Variants in PCDH11X observed in about 807,000 individuals in gnomAD.
PCDH11X encodes protocadherin-11 X-linked.
PCDH11X carries 18 observed loss-of-function variants against 53.3 expected under a neutral mutation model. That is an observed-to-expected ratio of 0.34 (90% CI 0.23 to 0.50). The LOEUF is 0.50. PCDH11X is among the 20% of genes least tolerant of loss of function. PCDH11X has a pLI of 0.98. For missense variants in PCDH11X, 570 were observed against 1,032.4 expected, an observed-to-expected ratio of 0.55 and a Z score of 6.14; for synonymous variants, 279 against 393.3, an observed-to-expected ratio of 0.71 and a Z score of 3.44.
rs1041282952 is a variant in PCDH11X at position 92,381,624 on chromosome X, T to C, written c.3145-6111T>C. ...ATGCCATTAATGACAATGCCAGGTT[T>C]TTCCTCTTTCGTTGTATGCTACAAA... On this transcript the variant is annotated intron_variant, in intron 8 of 10. Coordinates refer to ENST00000682573, the MANE Select transcript of PCDH11X (RefSeq NM_032968.5). 2.1e-4 allele frequency among the ~76,000 whole-genome samples: 23 copies of C among 112,042 alleles called. 1 individual carries two copies. Among genetic ancestry groups the C allele is most frequent in the African/African-American group, 7.1e-4 (22 of 30,885 alleles).
intron 6 of PCDH11X, among the ~76,000 whole-genome samples, chrX:92,071,006 C>T (rs1366176356): frequency 9.1e-6 from 1 of 109,369 alleles, no homozygotes; most frequent in Non-Finnish European, 1.9e-5. Context: ...GGGGTTTCAC[C>T]ATGTTGGCCA....
At chrX:91,980,988 A>G (rs1966353) in intron 6 of PCDH11X, among the ~76,000 whole-genome samples, 7,710 of 101,129 alleles carry the variant, frequency 0.076, 289 homozygotes, top group South Asian at 0.13. Flanking sequence ...GAATATATAT[A>G]TATATATACA....
chrX:92,060,837 A>G (rs762731434), intron 6 of PCDH11X, among the ~76,000 whole-genome samples: 2 of 111,855 alleles, frequency 1.8e-5, no homozygotes, highest in African/African-American at 6.5e-5. Flanking sequence ...TCGTTTGCGT[A>G]TATACCCAAT....
intron 6 of PCDH11X, among the ~76,000 whole-genome samples, chrX:92,103,193 T>C (rs1322850637): frequency 9.1e-6 from 1 of 110,353 alleles, no homozygotes; most frequent in Non-Finnish European, 1.9e-5. Flanking sequence ...GGGAAGCAGA[T>C]AATTTGGTTA....
chrX:92,401,070 CAA>C (rs1371665681), intron 9 of PCDH11X, among the ~76,000 whole-genome samples: 1 of 105,840 alleles, frequency 9.4e-6, no homozygotes, highest in Admixed American at 1.1e-4. Context: ...ATTAACCATC[CAA>C]AGTTTCCCCA....
chrX:92,195,503 T>C (rs1309391613), intron 6 of PCDH11X, among the ~76,000 whole-genome samples: 2 of 111,550 alleles, frequency 1.8e-5, no homozygotes, highest in Non-Finnish European at 3.8e-5. Flanking sequence ...AGAAGGAGGA[T>C]CCTCATTACC....
intron 1 of PCDH11X, among the ~76,000 whole-genome samples, chrX:91,792,138 C>G (rs1036013727): frequency 9.1e-6 from 1 of 109,363 alleles, no homozygotes; most frequent in Non-Finnish European, 1.9e-5. Context: ...CGTGAGCCAC[C>G]GCGCCCGGCC....
intron 6 of PCDH11X, among the ~76,000 whole-genome samples, chrX:91,947,271 G>A (rs1469362883): frequency 9.1e-6 from 1 of 109,369 alleles, no homozygotes; most frequent in Admixed American, 9.9e-5. Flanking sequence ...CATCATTCAA[G>A]TGCAAATCTT....
At chrX:91,973,550 A>C (rs2062002751) in intron 6 of PCDH11X, among the ~76,000 whole-genome samples, 1 of 107,030 alleles carries the variant, frequency 9.3e-6, no homozygotes, top group South Asian at 4.2e-4. Context: ...AAATAGCTTG[A>C]TTTAGCCATT....
intron 4 of PCDH11X, among the ~76,000 whole-genome samples, chrX:91,834,429 A>G (rs987425183): frequency 5.5e-5 from 6 of 108,763 alleles, no homozygotes; most frequent in Non-Finnish European, 9.5e-5. Context: ...TCAACTCGGT[A>G]CTGTTTTTAA....
intron 6 of PCDH11X, among the ~76,000 whole-genome samples, chrX:91,990,289 CTT>C (rs977565297): frequency 2.8e-5 from 3 of 106,551 alleles, no homozygotes; most frequent in African/African-American, 1.0e-4. Context: ...TCATTTGACT[CTT>C]ATTTATATCT....
At chrX:92,348,452 G>GATTGAGAC (rs2069955899) in intron 8 of PCDH11X, among the ~76,000 whole-genome samples, 1 of 109,364 alleles carries the variant, frequency 9.1e-6, no homozygotes, top group Non-Finnish European at 1.9e-5. Flanking sequence ...CAAGTTCGGG[G>GATTGAGAC]ATTGAGACCA....
At chrX:92,482,210 C>T (rs180806744) in intron 10 of PCDH11X, among the ~76,000 whole-genome samples, 81 of 111,865 alleles carry the variant, frequency 7.2e-4, no homozygotes, top group African/African-American at 2.6e-3. Context: ...TAATTTAGCA[C>T]TGCCCCTTAG....
At chrX:92,560,630 C>T (rs1256727242) in intron 10 of PCDH11X, among the ~76,000 whole-genome samples, 1 of 109,550 alleles carries the variant, frequency 9.1e-6, no homozygotes, top group Non-Finnish European at 1.9e-5. Context: ...TTTAAGTGAA[C>T]ATCAGTGGTG....
chrX:91,864,242 G>C (rs1355797376), intron 5 of PCDH11X, among the ~76,000 whole-genome samples: 2 of 109,300 alleles, frequency 1.8e-5, no homozygotes, highest in Non-Finnish European at 3.8e-5. Flanking sequence ...CATGTTTGAA[G>C]GATATTTTCA....
intron 8 of PCDH11X, among the ~76,000 whole-genome samples, chrX:92,311,862 C>T (rs2068958245): frequency 9.1e-6 from 1 of 110,053 alleles, no homozygotes; most frequent in Admixed American, 9.7e-5. Flanking sequence ...TTGTTTATTA[C>T]AATACAGATA....
intron 4 of PCDH11X, among the ~76,000 whole-genome samples, chrX:91,832,082 T>G (rs1356406817): frequency 1.8e-5 from 2 of 108,289 alleles, no homozygotes; most frequent in Non-Finnish European, 3.8e-5. Context: ...GAAGACAGTG[T>G]GGCAATTCCT....
chrX:92,216,056 T>G (rs5942168), intron 7 of PCDH11X, among the ~76,000 whole-genome samples: 1 of 98,646 alleles, frequency 1.0e-5, no homozygotes, highest in African/African-American at 3.6e-5. Context: ...CCCATCTGTA[T>G]GTCACCATCA....
chrX:92,143,347 T>C (rs2065218707), intron 6 of PCDH11X, among the ~76,000 whole-genome samples: 1 of 112,052 alleles, frequency 8.9e-6, no homozygotes, highest in African/African-American at 3.2e-5. Flanking sequence ...CAGCAGCCCC[T>C]CCCATCACAG....
Sources: gnomAD v4.1 joint callset for allele counts (sites outside exome capture counted in the v4.1 genomes callset) on GRCh38, gnomAD v4.1.1 for gene constraint, MANE v1.5 for transcripts, NCBI Gene and HGNC (gene_info 2026-07-23, HGNC 2026-07-21) for gene names.